DPP6: variants seen among roughly 807,000 people sequenced by gnomAD.
The protein encoded by DPP6 is A-type potassium channel modulatory protein DPP6.
A neutral mutation model predicts 122.6 loss-of-function variants in DPP6; 69 were observed. The observed-to-expected ratio is 0.56, with a 90% CI of 0.46 to 0.69. The LOEUF (loss-of-function observed/expected upper bound fraction) is 0.69, where lower values mean the gene tolerates loss of function less well. Among genes scored for constraint, DPP6 ranks in the 30% least tolerant of loss-of-function variants. The pLI is 0.00. For synonymous variants in DPP6, 418 were observed against 433.1 expected (o/e 0.97, Z 0.43); for missense variants, 928 against 1,116.9 (o/e 0.83, Z 2.41).
chr7:154,053,635 G>A (rs1387811691), intron 1 of DPP6, among the ~76,000 whole-genome samples: 3 of 151,270 alleles, frequency 2.0e-5, no homozygotes, highest in Non-Finnish European at 4.4e-5. Context: ...TATCCTTTCC[G>A]GAAAAAAAAA....
intron 1 of DPP6, among the ~76,000 whole-genome samples, chr7:154,166,569 C>G (rs901353009): frequency 8.7e-5 from 13 of 150,038 alleles, no homozygotes; most frequent in Non-Finnish European, 1.8e-4. Flanking sequence ...CCTCCCTGAC[C>G]TACAGAAGCC....
At chr7:154,103,370 A>G (rs374828702) in intron 1 of DPP6, among the ~76,000 whole-genome samples, 1 of 151,746 alleles carries the variant, frequency 6.6e-6, no homozygotes, top group Non-Finnish European at 1.5e-5. Context: ...ATGTTGGTGG[A>G]CCTCTAAGCA....
chr7:154,847,956 C>T (rs368007579), intron 16 of DPP6, among the ~76,000 whole-genome samples: 5 of 152,196 alleles, frequency 3.3e-5, no homozygotes, highest in African/African-American at 7.2e-5. Context: ...TTTCACTTAG[C>T]GTAATGTCTT....
At chr7:153,870,395 T>A in the DPP6 span, among the ~76,000 whole-genome samples, 16 of 152,236 alleles carry the variant, frequency 1.1e-4, no homozygotes, top group South Asian at 2.1e-4. Flanking sequence ...CTTCATTTCA[T>A]TCATTTTGTC....
At chr7:154,137,927 A>G (rs1274246915) in intron 1 of DPP6, among the ~76,000 whole-genome samples, 3 of 152,202 alleles carry the variant, frequency 2.0e-5, no homozygotes, top group African/African-American at 7.2e-5. Context: ...GCCTCAACTC[A>G]TAAGAATACA....
the DPP6 span, among the ~76,000 whole-genome samples, chr7:153,753,667 T>A: frequency 6.6e-6 from 1 of 152,138 alleles, no homozygotes; most frequent in Admixed American, 6.5e-5. Context: ...GGATGAGTTA[T>A]TAGTCCATGA....
At chr7:154,320,818 A>T (rs962717121) in intron 1 of DPP6, among the ~76,000 whole-genome samples, 3 of 152,090 alleles carry the variant, frequency 2.0e-5, no homozygotes, top group African/African-American at 7.2e-5. Flanking sequence ...TTATATTGGC[A>T]AATGTAGTAA....
intron 1 of DPP6, among the ~76,000 whole-genome samples, chr7:154,368,006 C>T (rs532527933): frequency 2.4e-4 from 36 of 152,200 alleles, no homozygotes; most frequent in African/African-American, 8.4e-4. Flanking sequence ...CAGGGTTTTA[C>T]CATGTTGGCC....
At chr7:154,277,020 A>G (rs1379191991) in intron 1 of DPP6, among the ~76,000 whole-genome samples, 1 of 152,162 alleles carries the variant, frequency 6.6e-6, no homozygotes, top group African/African-American at 2.4e-5. Flanking sequence ...TTAAACAGCA[A>G]AATCACCAAC....
At chr7:153,960,633 G>GTGCAGGCTGC (rs1210765538) in intron 1 of DPP6, among the ~76,000 whole-genome samples, 1 of 11,410 alleles carries the variant, frequency 8.8e-5, no homozygotes, top group African/African-American at 3.7e-4. Context: ...CAGCCTGTCT[G>GTGCAGGCTGC]TGTGTGCACG....
In DPP6 at chr7:154,053,149, T is replaced by G. The variant is rs145699571; in HGVS notation, c.243+86T>G. On this transcript the variant is annotated intron_variant, in intron 1 of 25. Coordinates refer to ENST00000377770, the MANE Select transcript of DPP6 (RefSeq NM_130797.4). ...ACGCGTCGGCAGGGGAAATTTTTTT[T>G]GGGGGGGGAATCAGGCGCCCTCCCC... 0.2 allele frequency: 114,343 copies of G among 573,468 alleles called. 9,013 individuals carry two copies. The highest frequency in any genetic ancestry group is 0.25 in the South Asian group (3,503 of 14,006). 35.5% of individuals were successfully genotyped at this position (573,468 alleles called of 1,614,324 possible). A position where few individuals can be genotyped will look rare whatever the true frequency, so the allele number is the denominator to read the frequency against.
intron 6 of DPP6, among the ~76,000 whole-genome samples, chr7:154,661,948 G>C (rs1340352534): frequency 6.7e-6 from 1 of 149,074 alleles, no homozygotes; most frequent in Non-Finnish European, 1.5e-5. Flanking sequence ...TGGCGGTAGT[G>C]TTCATATAGT....
intron 1 of DPP6, among the ~76,000 whole-genome samples, chr7:154,234,857 C>T (rs1281299917): frequency 6.6e-6 from 1 of 152,134 alleles, no homozygotes; most frequent in Non-Finnish European, 1.5e-5. Flanking sequence ...TCTGCTCTTC[C>T]CACCTCACAC....
At chr7:154,165,758 T>C (rs1281235905) in intron 1 of DPP6, among the ~76,000 whole-genome samples, 2 of 152,192 alleles carry the variant, frequency 1.3e-5, no homozygotes, top group African/African-American at 4.8e-5. Flanking sequence ...TGATGGCCAG[T>C]GATGATGAGC....
intron 7 of DPP6, among the ~76,000 whole-genome samples, chr7:154,672,007 T>G (rs1162769417): frequency 6.6e-6 from 1 of 152,174 alleles, no homozygotes; most frequent in Non-Finnish European, 1.5e-5. Flanking sequence ...GGTGTGGCTC[T>G]GTGTCCCCAC....
chr7:154,700,691 T>A (rs1840468580), intron 7 of DPP6, among the ~76,000 whole-genome samples: 2 of 152,120 alleles, frequency 1.3e-5, no homozygotes, highest in African/African-American at 2.4e-5. Flanking sequence ...AATGTGCATC[T>A]ACTTCCCCAG....
chr7:154,055,761 C>T (rs1340574136), intron 1 of DPP6: 1 of 152,210 alleles, frequency 6.6e-6, no homozygotes, highest in Non-Finnish European at 1.5e-5. Flanking sequence ...TCACTCTTGC[C>T]TTTTCAGTCC....
At chr7:154,807,415 C>G (rs564326259) in intron 16 of DPP6, among the ~76,000 whole-genome samples, 3 of 152,266 alleles carry the variant, frequency 2.0e-5, no homozygotes, top group African/African-American at 7.2e-5. Flanking sequence ...AAATAATAGT[C>G]CCATGAGCTA....
chr7:154,522,082 G>A (rs1827032537), intron 3 of DPP6, among the ~76,000 whole-genome samples: 1 of 152,074 alleles, frequency 6.6e-6, no homozygotes, highest in Non-Finnish European at 1.5e-5. Flanking sequence ...TCCTGTTTCA[G>A]CTTCCCGGGT....
Sources: allele counts gnomAD v4.1 joint callset (sites outside exome capture counted in the v4.1 genomes callset), GRCh38; gene constraint gnomAD v4.1.1; transcripts MANE v1.5; gene names NCBI Gene and HGNC (gene_info 2026-07-23, HGNC 2026-07-21).